The following ADAMTSL1 variants were observed in gnomAD, a reference collection of about 807,000 sequenced individuals.
The protein encoded by ADAMTSL1 is ADAMTS like 1.
In ADAMTSL1, 126 loss-of-function variants were observed where a neutral mutation model predicts 201.8. The ratio of observed to expected loss-of-function variants is 0.62; its 90% confidence interval spans 0.54 to 0.72. ADAMTSL1 has a LOEUF of 0.72. Among genes scored for constraint, ADAMTSL1 ranks in the 30% least tolerant of loss-of-function variants. ADAMTSL1 has a pLI of 0.00. For missense variants in ADAMTSL1, 2,679 were observed against 2,277.8 expected, an observed-to-expected ratio of 1.18 and a Z score of -3.59; for synonymous variants, 1,121 against 903.4, an observed-to-expected ratio of 1.24 and a Z score of -4.32.
At chr9:18,011,896 G>A (rs1488160114) in intron 1 of ADAMTSL1, among the ~76,000 whole-genome samples, 1 of 151,996 alleles carries the variant, frequency 6.6e-6, no homozygotes, top group Non-Finnish European at 1.5e-5. Flanking sequence ...GGGTAGGGCA[G>A]CAATCGAAGA....
chr9:18,850,466 G>A (rs1826422400), intron 23 of ADAMTSL1, among the ~76,000 whole-genome samples: 1 of 152,238 alleles, frequency 6.6e-6, no homozygotes, highest in Admixed American at 6.5e-5. Flanking sequence ...GCTGACTGTA[G>A]AAGAGAGGGC....
intron 4 of ADAMTSL1, among the ~76,000 whole-genome samples, chr9:18,619,824 G>A (rs1412574546): frequency 6.6e-6 from 1 of 152,104 alleles, no homozygotes; most frequent in Non-Finnish European, 1.5e-5. Flanking sequence ...CCTGAGAGTG[G>A]AAATTCCTGT....
intron 2 of ADAMTSL1, among the ~76,000 whole-genome samples, chr9:18,507,256 G>A (rs1817727281): frequency 6.6e-6 from 1 of 152,156 alleles, no homozygotes; most frequent in Non-Finnish European, 1.5e-5. Flanking sequence ...AGCAGCTCAT[G>A]ATATGACCAC....
intron 1 of ADAMTSL1, among the ~76,000 whole-genome samples, chr9:18,099,961 A>G (rs1033016724): frequency 1.3e-5 from 2 of 152,008 alleles, no homozygotes; most frequent in African/African-American, 2.4e-5. Flanking sequence ...CTTTCTATTT[A>G]TGAAGGCATG....
chr9:18,671,239 G>A lies in ADAMTSL1; in HGVS notation c.1086-4618G>A, dbSNP rs552768864. ...TAGGGGTGTTAAGAAGAAGGAGAGC[G>A]AATTTCTGGCTAGATGTTAAGAGAG... On this transcript the variant is annotated intron_variant, in intron 9 of 28. Coordinates refer to ENST00000380548, the MANE Select transcript of ADAMTSL1 (RefSeq NM_001040272.6). Among the ~76,000 whole-genome samples, 7 of 152,258 alleles carry A rather than the reference G, an allele frequency of 4.6e-5. No individual in the cohort carries two copies. In the South Asian group the frequency reaches 1.2e-3, roughly 27 times the overall value.
Position 18,684,335 on chromosome 9 carries a change from A to G in ADAMTSL1, c.1490-381A>G, listed in dbSNP as rs1007171446. ...AAGTTAGAATTTATGAAAATATCAC[A>G]ATATAATTGACTGTACTTTGTTTTC... On this transcript the variant is annotated intron_variant, in intron 12 of 28. Coordinates refer to ENST00000380548, the MANE Select transcript of ADAMTSL1 (RefSeq NM_001040272.6). 7.9e-5 allele frequency among the ~76,000 whole-genome samples: 12 copies of G among 152,226 alleles called. No individual in the cohort carries two copies. The South Asian group carries it at 2.5e-3, about 31-fold the overall frequency.
intron 23 of ADAMTSL1, among the ~76,000 whole-genome samples, chr9:18,832,135 C>T (rs755182270): frequency 3.9e-5 from 6 of 152,200 alleles, no homozygotes; most frequent in African/African-American, 1.2e-4. Flanking sequence ...GAACAAGCCT[C>T]AGCCACAGCT....
At chr9:18,495,148 G>A (rs528044698) in intron 1 of ADAMTSL1, among the ~76,000 whole-genome samples, 1 of 152,292 alleles carries the variant, frequency 6.6e-6, no homozygotes, top group African/African-American at 2.4e-5. Context: ...ATGTTGAGCA[G>A]TTAAATATTT....
At chr9:17,955,824 T>C (rs1827907994) in intron 1 of ADAMTSL1, among the ~76,000 whole-genome samples, 1 of 152,178 alleles carries the variant, frequency 6.6e-6, no homozygotes, top group South Asian at 2.1e-4. Flanking sequence ...AAACGTAGCG[T>C]ATATAGGGTT....
intron 2 of ADAMTSL1, among the ~76,000 whole-genome samples, chr9:18,208,871 T>TG (rs1829757174): frequency 6.6e-6 from 1 of 152,232 alleles, no homozygotes. Flanking sequence ...TCTGGTTCTG[T>TG]GGCCACAAAC....
chr9:18,376,924 A>G (rs185694378), intron 2 of ADAMTSL1, among the ~76,000 whole-genome samples: 12,242 of 148,280 alleles, frequency 0.083, 663 homozygotes, highest in Non-Finnish European at 0.12. Flanking sequence ...TTAAAATAAA[A>G]TACGTTTTTA....
chr9:18,625,958 G>A (rs1394866228), intron 5 of ADAMTSL1, among the ~76,000 whole-genome samples: 1 of 152,132 alleles, frequency 6.6e-6, no homozygotes, highest in Non-Finnish European at 1.5e-5. Flanking sequence ...CATATTCTTG[G>A]ACTATCATTC....
intron 1 of ADAMTSL1, among the ~76,000 whole-genome samples, chr9:18,010,949 A>G (rs1820027782): frequency 6.6e-6 from 1 of 151,992 alleles, no homozygotes; most frequent in African/African-American, 2.4e-5. Flanking sequence ...TTTTATTTGT[A>G]TGATTTTATG....
At chr9:18,633,807 G>A (rs1361545789) in intron 5 of ADAMTSL1, among the ~76,000 whole-genome samples, 1 of 151,954 alleles carries the variant, frequency 6.6e-6, no homozygotes, top group Non-Finnish European at 1.5e-5. Flanking sequence ...TAGAGAACTC[G>A]ATAATGTAAC....
intron 2 of ADAMTSL1, among the ~76,000 whole-genome samples, chr9:18,239,201 C>T (rs10756951): frequency 0.63 from 96,017 of 151,838 alleles, 30,671 homozygotes; most frequent in East Asian, 0.7. Context: ...TGTAATAATA[C>T]CTTAAGACAA....
At chr9:18,455,183 A>T (rs1035851458) in intron 2 of ADAMTSL1, among the ~76,000 whole-genome samples, 2 of 152,234 alleles carry the variant, frequency 1.3e-5, no homozygotes, top group African/African-American at 4.8e-5. Context: ...TTAATATGGA[A>T]CTTGATAGTC....
At chr9:17,914,027 C>A (rs187178418) in intron 1 of ADAMTSL1, among the ~76,000 whole-genome samples, 29 of 152,252 alleles carry the variant, frequency 1.9e-4, no homozygotes, top group Admixed American at 1.3e-3. Context: ...TGGCAATAAT[C>A]AATAGCTTAC....
chr9:18,528,395 C>G (rs532969349), intron 2 of ADAMTSL1, among the ~76,000 whole-genome samples: 1 of 152,188 alleles, frequency 6.6e-6, no homozygotes, highest in South Asian at 2.1e-4. Context: ...CCCATGTATA[C>G]ACGTGTTCTC....
chr9:18,373,034 A>G (rs992520474), intron 2 of ADAMTSL1, among the ~76,000 whole-genome samples: 1 of 152,192 alleles, frequency 6.6e-6, no homozygotes, highest in Non-Finnish European at 1.5e-5. Flanking sequence ...GGCTAGCCGC[A>G]TGATCCTTAG....
Sources: gnomAD v4.1 joint callset for allele counts (sites outside exome capture counted in the v4.1 genomes callset) on GRCh38, gnomAD v4.1.1 for gene constraint, MANE v1.5 for transcripts, NCBI Gene and HGNC (gene_info 2026-07-23, HGNC 2026-07-21) for gene names.